The following IRAK3 variants were observed in gnomAD, a reference collection of about 807,000 sequenced individuals.
The protein encoded by IRAK3 is interleukin-1 receptor-associated kinase 3.
A neutral mutation model predicts 56.6 loss-of-function variants in IRAK3; 57 were observed. The observed-to-expected ratio is 1.01, with a 90% CI of 0.81 to 1.26. The LOEUF is 1.26. Ranked by LOEUF, IRAK3 falls within the 50% of genes most tolerant of loss-of-function variation. IRAK3 has a pLI of 0.00. For missense variants in IRAK3, 703 were observed against 719.0 expected (o/e 0.98, Z 0.25); for synonymous variants, 258 against 255.7 (o/e 1.01, Z -0.09).
chr12:66,241,327 T>C (rs372153415), intron 8 of IRAK3, among the ~76,000 whole-genome samples: 312 of 152,308 alleles, frequency 2.0e-3, no homozygotes, highest in African/African-American at 6.6e-3. Flanking sequence ...TGGATATGGG[T>C]CAAAGATGTC....
At chr12:66,196,932 G>A (rs1207678891) in intron 1 of IRAK3, 3 of 1,535,254 alleles carry the variant, frequency 2.0e-6, no homozygotes, top group Non-Finnish European at 2.6e-6. Flanking sequence ...AGGGGTTTTG[G>A]CATGTGGTTG....
chr12:66,212,169 A>G (rs565876134), intron 5 of IRAK3, among the ~76,000 whole-genome samples: 14 of 151,622 alleles, frequency 9.2e-5, no homozygotes, highest in South Asian at 4.2e-4. Context: ...AGGGTCAGGT[A>G]GTGCTAGCCT....
chr12:66,203,653 C>T (rs2052529531), intron 1 of IRAK3, 58 bp from the exon 2 acceptor site: 2 of 1,451,656 alleles, frequency 1.4e-6, no homozygotes, highest in East Asian at 4.6e-5. Flanking sequence ...TACACAAAAA[C>T]AAGTATTTTG....
intron 11 of IRAK3, among the ~76,000 whole-genome samples, chr12:66,247,074 A>G (rs1187435389): frequency 6.6e-6 from 1 of 152,202 alleles, no homozygotes; most frequent in Non-Finnish European, 1.5e-5. Flanking sequence ...GTTTGAAACC[A>G]GCCTGGCCAA....
chr12:66,227,419 C>T (rs2052797820), intron 7 of IRAK3, among the ~76,000 whole-genome samples: 1 of 151,940 alleles, frequency 6.6e-6, no homozygotes, highest in African/African-American at 2.4e-5. Context: ...GGTGAAACCC[C>T]GTCTCTACTA....
rs766180023 is a variant in IRAK3 at position 66,226,807 on chromosome 12, T to C, written c.738T>C (p.Asn246=). 6.2e-7 allele frequency: 1 copy of C among 1,601,504 alleles called. No individual in the cohort carries two copies. The highest frequency in any genetic ancestry group is 1.1e-5 in the South Asian group (1 of 90,818). The change falls in exon 7 of 12, where the codon AAT becomes AAC. Residue 246 remains asparagine (N), a synonymous_variant. Transcript: ENST00000261233. ...KFCLIYPYMR[N]GTLFDRLQCV... is the part of the protein sequence containing the mutation. ...GTCTGATTTATCCATACATGAGAAA[T>C]GGAACACTTTTTGACAGATTGCAGT...
chr12:66,229,170 C>G (rs955245737), intron 8 of IRAK3, among the ~76,000 whole-genome samples: 1 of 152,196 alleles, frequency 6.6e-6, no homozygotes, highest in Non-Finnish European at 1.5e-5. Context: ...TCCTACTGAG[C>G]CTGCTGTCTC....
At chr12:66,239,638 A>G (rs959107794) in intron 8 of IRAK3, among the ~76,000 whole-genome samples, 2 of 152,230 alleles carry the variant, frequency 1.3e-5, no homozygotes, top group African/African-American at 4.8e-5. Context: ...GCCTATTTTT[A>G]TCTTTCAGAA....
intron 11 of IRAK3, among the ~76,000 whole-genome samples, chr12:66,245,529 C>CTTTTTTTTTTT (rs745553622): frequency 2.7e-5 from 2 of 75,354 alleles, no homozygotes; most frequent in African/African-American, 5.8e-5. Context: ...TTTATTCAAT[C>CTTTTTTTTTTT]TTTTTTTTTT....
In IRAK3 at chr12:66,249,066, C is replaced by G. The variant is rs1269125983; in HGVS notation, c.*895C>G. On this transcript the variant is annotated 3_prime_UTR_variant, in exon 12 of 12. Coordinates refer to ENST00000261233, the MANE Select transcript of IRAK3 (RefSeq NM_007199.3). The stretch of plus-strand genomic sequence containing the variant: ...CTCCTGGAAGCTTCCCTAATCTCTA[C>G]AACCAGAAGTACTCCCTTTATCAGT... 2.6e-5 allele frequency: 4 copies of G among 152,194 alleles called. No homozygotes were observed. Among genetic ancestry groups the G allele is most frequent in the Admixed American group, 6.5e-5 (1 of 15,284 alleles). 9.4% of individuals were successfully genotyped at this position (152,194 alleles called of 1,614,324 possible).
At position 66,203,822 on chromosome 12, in the gene IRAK3, C is replaced by T. The variant is rs1389026900; in HGVS notation, c.245C>T (p.Thr82Ile). The change falls in exon 2 of 12, where the codon ACC (threonine) becomes ATC (isoleucine). Residue 82 changes from threonine to isoleucine, a missense_variant. Thr to Ile is a moderately conservative substitution (Grantham distance 89). Transcript: ENST00000261233. Reference sequence around the variant, plus strand: ...TGGTCCTGGGCACAGAAAAACAAGACCATCGGTGACCTTTTACAGGTCCTC... The same window carrying T: ...TGGTCCTGGGCACAGAAAAACAAGATCATCGGTGACCTTTTACAGGTCCTC... ...LLWSWAQKNK[T>I]IGDLLQVLQE... 1.9e-6 allele frequency: 3 copies of T among 1,613,846 alleles called. No homozygotes were observed. Among genetic ancestry groups the T allele is most frequent in the Non-Finnish European group, 2.5e-6 (3 of 1,179,878 alleles).
chr12:66,217,061 G>A (rs1424417052), intron 5 of IRAK3, 110 bp from the exon 6 acceptor site: 2 of 792,474 alleles, frequency 2.5e-6, no homozygotes, highest in Admixed American at 1.8e-5. Flanking sequence ...GTGTTCATAT[G>A]TGTTTACACC....
rs1039872089 is a variant in IRAK3, at chr12:66,251,054, A to C, written c.*2883A>C. 2.0e-5 allele frequency: 3 copies of C among 152,184 alleles called. No individual in the cohort carries two copies. Among genetic ancestry groups the C allele is most frequent in the Admixed American group, 1.3e-4 (2 of 15,284 alleles). The allele number at this position is 152,184 out of a possible 1,614,324, so 9.4% of individuals were successfully genotyped here. A position where few individuals can be genotyped will look rare whatever the true frequency, so the allele number is the denominator to read the frequency against. On this transcript the variant is annotated 3_prime_UTR_variant, in exon 12 of 12. Coordinates refer to ENST00000261233, the MANE Select transcript of IRAK3 (RefSeq NM_007199.3). ...CCTTTCTTTTCATTCTGTTATATTC[A>C]TCCTATTACATAGGATGTTGGTTAG... is the stretch of plus-strand genomic sequence containing the variant.
chr12:66,197,244 CT>C, intron 1 of IRAK3: 1 of 1,205,754 alleles, frequency 8.3e-7, no homozygotes, highest in Non-Finnish European at 1.0e-6. Context: ...ATGCTTTTAA[CT>C]TTATCAACAT....
intron 1 of IRAK3, chr12:66,197,715 T>G (rs1380277176): frequency 1.0e-6 from 1 of 985,298 alleles, no homozygotes; most frequent in Non-Finnish European, 1.2e-6. Flanking sequence ...TGATGCAAAC[T>G]CAGAACTATA....
chr12:66,230,798 G>A (rs571710336), intron 8 of IRAK3, among the ~76,000 whole-genome samples: 7 of 152,240 alleles, frequency 4.6e-5, no homozygotes, highest in South Asian at 2.1e-4. Flanking sequence ...AATGTGACTC[G>A]AAGATTTTTC....
rs541276181 is a variant in IRAK3 at position 66,203,781 on chromosome 12, A to G, written c.204A>G (p.Gly68=). 3 of 1,614,028 alleles carry G rather than the reference A, an allele frequency of 1.9e-6. No individual in the cohort carries two copies. In the African/African-American group the frequency reaches 4.0e-5, roughly 22 times the overall value. The change falls in exon 2 of 12, where the codon GGA becomes GGG. Residue 68 remains glycine (G), a synonymous_variant. Transcript: ENST00000261233. ...IEKYVDQGKS[G]TRELLWSWAQ... The stretch of plus-strand genomic sequence containing the variant: ...AGTATGTAGACCAAGGTAAAAGTGG[A>G]ACAAGAGAATTACTTTGGTCCTGGG...
intron 5 of IRAK3, among the ~76,000 whole-genome samples, chr12:66,216,417 T>C (rs1025096900): frequency 2.6e-5 from 4 of 152,192 alleles, no homozygotes; most frequent in African/African-American, 9.6e-5. Context: ...CCTTTATTCC[T>C]GAGGGCAGAA....
intron 6 of IRAK3, among the ~76,000 whole-genome samples, chr12:66,226,328 G>A (rs1390270688): frequency 1.3e-5 from 2 of 151,580 alleles, no homozygotes; most frequent in African/African-American, 4.9e-5. Context: ...GGCAACCTCC[G>A]CCTTCCGGTT....
Sources: gnomAD v4.1 joint callset for allele counts (sites outside exome capture counted in the v4.1 genomes callset) on GRCh38, gnomAD v4.1.1 for gene constraint, MANE v1.5 for transcripts, NCBI Gene and HGNC (gene_info 2026-07-23, HGNC 2026-07-21) for gene names.